The following CTPS2 variants were observed in gnomAD, a reference collection of about 807,000 sequenced individuals.
The protein encoded by CTPS2 is CTP synthase II.
In CTPS2, 19 loss-of-function variants were observed where a neutral mutation model predicts 46.8. The observed-to-expected ratio is 0.41, with a 90% CI of 0.28 to 0.60. The LOEUF (loss-of-function observed/expected upper bound fraction) is 0.60. CTPS2 is among the 20% of genes least tolerant of loss of function. The pLI, the probability that CTPS2 is intolerant of heterozygous loss-of-function variation, is 0.35. For synonymous variants in CTPS2, 151 were observed against 165.2 expected, an observed-to-expected ratio of 0.91 and a Z score of 0.66; for missense variants, 286 against 447.6, an observed-to-expected ratio of 0.64 and a Z score of 3.26.
intron 14 of CTPS2, among the ~76,000 whole-genome samples, chrX:16,632,507 C>T (rs952959238): frequency 1.8e-5 from 2 of 108,673 alleles, no homozygotes; most frequent in African/African-American, 3.4e-5. Context: ...CTGCAACCTC[C>T]GCCTCCCGGG....
chrX:16,705,726 C>T (rs1309478545), intron 1 of CTPS2, among the ~76,000 whole-genome samples: 2 of 111,241 alleles, frequency 1.8e-5, no homozygotes, highest in Non-Finnish European at 3.8e-5. Flanking sequence ...ACAGCCTGGG[C>T]AACATAGCGA....
At chrX:16,590,685 C>T (rs1928849214) in intron 18 of CTPS2, 67 bp downstream of exon 18, 4 of 583,556 alleles carry the variant, frequency 6.9e-6, no homozygotes, top group African/African-American at 6.8e-5. Context: ...CTATAATACC[C>T]GCCTCTATAC....
rs916652397 is a variant in CTPS2 at position 16,589,458 on chromosome X, C to T, written c.*359G>A. 2 of 112,404 alleles carry T rather than the reference C, an allele frequency of 1.8e-5. No homozygotes were observed. The highest frequency in any genetic ancestry group is 6.5e-5 in the African/African-American group (2 of 30,929). 9.3% of individuals were successfully genotyped at this position (112,404 alleles called of 1,213,427 possible). ...CATGTTCCCTGCCATCCTTTCCATA[C>T]AACACAGCAAAGGCACAGTGACCTG... On this transcript the variant is annotated 3_prime_UTR_variant, in exon 19 of 19. Coordinates refer to ENST00000359276, the MANE Select transcript of CTPS2 (RefSeq NM_175859.3).
intron 10 of CTPS2, among the ~76,000 whole-genome samples, chrX:16,673,334 A>C (rs1371271975): frequency 9.0e-6 from 1 of 111,150 alleles, no homozygotes; most frequent in Non-Finnish European, 1.9e-5. Context: ...GGTCAATAAC[A>C]AACTTTGCTG....
chrX:16,686,622 G>T (rs1923227218), intron 8 of CTPS2, among the ~76,000 whole-genome samples: 1 of 112,624 alleles, frequency 8.9e-6, no homozygotes, highest in Non-Finnish European at 1.9e-5. Flanking sequence ...GGAGGCCAAA[G>T]GCTGGGCATG....
intron 13 of CTPS2, among the ~76,000 whole-genome samples, chrX:16,646,397 G>T (rs983660077): frequency 1.1e-4 from 12 of 112,371 alleles, no homozygotes; most frequent in Middle Eastern, 4.2e-3. Flanking sequence ...GTGGGAGTTG[G>T]GTGCCTAGGT....
At chrX:16,622,070 A>G (rs1930869851) in intron 14 of CTPS2, among the ~76,000 whole-genome samples, 1 of 111,341 alleles carries the variant, frequency 9.0e-6, no homozygotes, top group Non-Finnish European at 1.9e-5. Flanking sequence ...TAAAATAAAA[A>G]TGGGAAATAA....
chrX:16,668,998 A>G (rs1301296904), intron 11 of CTPS2, among the ~76,000 whole-genome samples: 1 of 111,468 alleles, frequency 9.0e-6, no homozygotes, highest in Non-Finnish European at 1.9e-5. Flanking sequence ...CTTCACAGCC[A>G]TAAACACAGG....
At chrX:16,701,053 A>T (rs1924511587) in intron 2 of CTPS2, among the ~76,000 whole-genome samples, 1 of 111,596 alleles carries the variant, frequency 9.0e-6, no homozygotes, top group African/African-American at 3.3e-5. Context: ...ACGTGGCCAA[A>T]CTCCAAGGTC....
intron 1 of CTPS2, among the ~76,000 whole-genome samples, 187 bp from the exon 2 acceptor site, chrX:16,703,128 C>T (rs775547781): frequency 5.7e-5 from 6 of 105,520 alleles, no homozygotes; most frequent in East Asian, 3.0e-4. Context: ...TGGGTTCAAG[C>T]GATCCTCCCA....
intron 14 of CTPS2, among the ~76,000 whole-genome samples, chrX:16,621,651 G>A (rs891465456): frequency 9.1e-6 from 1 of 110,260 alleles, no homozygotes; most frequent in African/African-American, 3.3e-5. Flanking sequence ...TGGAAGTCAT[G>A]CTGAAACTCC....
chrX:16,638,984 C>T (rs983642619), intron 14 of CTPS2, 163 bp downstream of exon 14: 2 of 547,416 alleles, frequency 3.7e-6, no homozygotes, highest in East Asian at 3.4e-5. Flanking sequence ...ATGCCCAGAG[C>T]AGAGGGTCAG....
intron 10 of CTPS2, among the ~76,000 whole-genome samples, chrX:16,673,047 C>T (rs6629167): frequency 2.9e-5 from 3 of 104,543 alleles, no homozygotes; most frequent in Admixed American, 1.0e-4. Flanking sequence ...CCACTACGCC[C>T]GGCTAATTTT....
At chrX:16,649,994 C>T (rs1932527099) in intron 13 of CTPS2, among the ~76,000 whole-genome samples, 1 of 111,667 alleles carries the variant, frequency 9.0e-6, no homozygotes, top group Non-Finnish European at 1.9e-5. Flanking sequence ...CGAGATGGAC[C>T]TTTACTGGAT....
intron 14 of CTPS2, among the ~76,000 whole-genome samples, chrX:16,629,396 C>A (rs1569202306): frequency 8.9e-6 from 1 of 111,863 alleles, no homozygotes; most frequent in Non-Finnish European, 1.9e-5. Flanking sequence ...GCAGCTCTCA[C>A]GAAGCCCTGC....
At chrX:16,672,355 G>A (rs1274698098) in intron 10 of CTPS2, among the ~76,000 whole-genome samples, 1 of 111,427 alleles carries the variant, frequency 9.0e-6, no homozygotes, top group Non-Finnish European at 1.9e-5. Flanking sequence ...TCACTGCAAT[G>A]GGTGCGTCTT....
At chrX:16,650,976 T>G in intron 13 of CTPS2, 2 of 1,189,964 alleles carry the variant, frequency 1.7e-6, no homozygotes, top group Non-Finnish European at 2.3e-6. Flanking sequence ...TTTGGTAAGT[T>G]TATTTTCTTC....
At chrX:16,592,260 C>G (rs980463153) in intron 17 of CTPS2, among the ~76,000 whole-genome samples, 52 of 111,435 alleles carry the variant, frequency 4.7e-4, no homozygotes, top group Admixed American at 4.5e-3. Flanking sequence ...TGCTGCTGTG[C>G]CCAACTGTAT....
At chrX:16,596,043 T>A (rs1929233429) in intron 17 of CTPS2, among the ~76,000 whole-genome samples, 1 of 110,992 alleles carries the variant, frequency 9.0e-6, no homozygotes, top group African/African-American at 3.3e-5. Flanking sequence ...TAACCTTTTA[T>A]TTTTATTTTT....
Sources: allele counts gnomAD v4.1 joint callset (sites outside exome capture counted in the v4.1 genomes callset), GRCh38; gene constraint gnomAD v4.1.1; transcripts MANE v1.5; gene names NCBI Gene and HGNC (gene_info 2026-07-23, HGNC 2026-07-21).